The following ANKRD26 variants were observed in gnomAD, a reference collection of about 807,000 sequenced individuals.
The protein encoded by ANKRD26 is ankyrin repeat domain-containing protein 26.
Under a neutral mutation model 208.7 loss-of-function variants are expected in ANKRD26, and 141 were observed. The ratio of observed to expected loss-of-function variants is 0.68; its 90% CI spans 0.59 to 0.78. The LOEUF (loss-of-function observed/expected upper bound fraction) is 0.78, where lower values mean the gene tolerates loss of function less well. Among genes scored for constraint, ANKRD26 ranks in the 30% least tolerant of loss-of-function variants. The probability of loss-of-function intolerance (pLI) is 0.00; values close to 1 mark genes in which losing one functional copy is unlikely to be tolerated. For synonymous variants in ANKRD26, 636 were observed against 660.4 expected (o/e 0.96, Z 0.57); for missense variants, 1,889 against 1,938.7 (o/e 0.97, Z 0.48).
At chr10:26,992,414 T>C (rs966958872) in intron 5 of ANKRD26, among the ~76,000 whole-genome samples, 4 of 151,586 alleles carry the variant, frequency 2.6e-5, no homozygotes, top group African/African-American at 9.7e-5. Flanking sequence ...CCTAAGGTCA[T>C]GTTTCATGGA....
At chr10:27,032,123 A>G (rs2053881777) in intron 25 of ANKRD26, among the ~76,000 whole-genome samples, 1 of 152,256 alleles carries the variant, frequency 6.6e-6, no homozygotes, top group South Asian at 2.1e-4. Flanking sequence ...ATGAGGAATG[A>G]TGTATAATTC....
chr10:27,077,641 C>A lies in ANKRD26; in HGVS notation c.866G>T (p.Arg289Met). The change falls in exon 8 of 34, where the codon AGG (arginine) becomes ATG (methionine). Residue 289 changes from arginine (R) to methionine (M), a missense_variant. This residue lies in a region of ANKRD26 where 1,272 missense variants were observed against 1,273.8 expected (regional missense o/e 1.00). Coordinates refer to ENST00000376087, the MANE Select transcript of ANKRD26 (RefSeq NM_014915.3). Reference sequence around the variant, plus strand: ...GTTTTCAAACAGCTTACAATTTTTCCTGGATTGCTGAGAAGCAGTCATTAG... The same window carrying A: ...GTTTTCAAACAGCTTACAATTTTTCATGGATTGCTGAGAAGCAGTCATTAG... ...AKLMTASQQS[R>M]KNLEATYGTV... The A allele has an allele frequency of 2.5e-6, 4 of 1,613,394 alleles. No individual in the cohort carries two copies. The highest frequency in any genetic ancestry group is 1.3e-5 in the African/African-American group (1 of 75,008).
At chr10:27,029,830 A>C (rs1589242408) in intron 25 of ANKRD26, among the ~76,000 whole-genome samples, 1 of 152,304 alleles carries the variant, frequency 6.6e-6, no homozygotes, top group South Asian at 2.1e-4. Flanking sequence ...TTAGGTGACA[A>C]CTAGATATTC....
chr10:27,001,105 T>TG (rs2134742915), downstream of ANKRD26, among the ~76,000 whole-genome samples: 3 of 152,332 alleles, frequency 2.0e-5, no homozygotes, highest in African/African-American at 7.2e-5. Context: ...CAATAAAAAA[T>TG]GCTTGCTTTG....
At chr10:26,956,739 C>T in the ANKRD26 span, among the ~76,000 whole-genome samples, 1 of 152,076 alleles carries the variant, frequency 6.6e-6, no homozygotes, top group Non-Finnish European at 1.5e-5. Flanking sequence ...GTCCCTTTAC[C>T]AAGATCCATT....
At chr10:27,054,127 T>A (rs1383687472) in intron 15 of ANKRD26, among the ~76,000 whole-genome samples, 1 of 152,216 alleles carries the variant, frequency 6.6e-6, no homozygotes, top group Non-Finnish European at 1.5e-5. Flanking sequence ...TTGTACTGTA[T>A]CTTTTCCATC....
chr10:27,097,994 A>G (rs1233454669), intron 1 of ANKRD26, among the ~76,000 whole-genome samples: 1 of 152,154 alleles, frequency 6.6e-6, no homozygotes, highest in Non-Finnish European at 1.5e-5. Flanking sequence ...TCATAAGGAC[A>G]CAACTAAAAT....
At chr10:27,081,954 T>C (rs568168336) in intron 6 of ANKRD26, among the ~76,000 whole-genome samples, 3 of 150,906 alleles carry the variant, frequency 2.0e-5, no homozygotes, top group South Asian at 4.2e-4. Context: ...GCCAGGCTGG[T>C]CTCGATCTCC....
intron 20 of ANKRD26, among the ~76,000 whole-genome samples, chr10:27,041,887 T>G (rs1268325435): frequency 6.6e-6 from 1 of 150,770 alleles, no homozygotes; most frequent in Non-Finnish European, 1.5e-5. Context: ...GAGAAAAAAA[T>G]GAAAGCAAAC....
the ANKRD26 span, among the ~76,000 whole-genome samples, chr10:26,961,074 A>G: frequency 4.6e-5 from 7 of 152,034 alleles, no homozygotes; most frequent in African/African-American, 1.7e-4. Flanking sequence ...AAAATTAGCT[A>G]GGTGTGGTGG....
chr10:27,070,230 T>A (rs2055431651), intron 9 of ANKRD26, among the ~76,000 whole-genome samples: 1 of 150,390 alleles, frequency 6.6e-6, no homozygotes, highest in African/African-American at 2.4e-5. Flanking sequence ...CAAAACCCCA[T>A]CTCTACTAAA....
chr10:27,061,049 C>G (rs1161391768), intron 13 of ANKRD26, 95 bp downstream of exon 13: 6 of 967,328 alleles, frequency 6.2e-6, no homozygotes, highest in Non-Finnish European at 1.0e-5. Flanking sequence ...GGATATATAA[C>G]TTATTTCTCA....
the ANKRD26 span, among the ~76,000 whole-genome samples, chr10:26,954,619 A>C: frequency 3.3e-5 from 5 of 152,160 alleles, no homozygotes; most frequent in African/African-American, 4.8e-5. Context: ...TTTGACAATA[A>C]ATCTGTATCC....
At chr10:27,071,409 C>T (rs578100318) in intron 9 of ANKRD26, among the ~76,000 whole-genome samples, 27 of 151,434 alleles carry the variant, frequency 1.8e-4, no homozygotes, top group Non-Finnish European at 2.7e-4. Flanking sequence ...CTCCTGACCT[C>T]GTGATCCGCC....
At chr10:27,043,292 G>T in intron 20 of ANKRD26, 134 bp downstream of exon 20, 1 of 970,246 alleles carries the variant, frequency 1.0e-6, no homozygotes, top group South Asian at 1.4e-5. Context: ...GAACTCTTCA[G>T]CTTTGCACAG....
chr10:27,027,571 TCA>T (rs1350680964), intron 27 of ANKRD26, among the ~76,000 whole-genome samples: 1 of 152,214 alleles, frequency 6.6e-6, no homozygotes, highest in African/African-American at 2.4e-5. Context: ...TTTTAGTCTA[TCA>T]TAATCTTTTT....
intron 9 of ANKRD26, among the ~76,000 whole-genome samples, chr10:27,073,933 A>G (rs756076742): frequency 5.9e-5 from 9 of 152,186 alleles, no homozygotes; most frequent in Non-Finnish European, 1.0e-4. Flanking sequence ...GGTCTTCACT[A>G]CTGAAAGCAC....
rs2135675645 is a variant in ANKRD26 at position 27,086,551 on chromosome 10, T to C, written c.697A>G (p.Asn233Asp). 1.2e-6 allele frequency: 2 copies of C among 1,606,054 alleles called. No individual in the cohort carries two copies. Among genetic ancestry groups the C allele is most frequent in the Non-Finnish European group, 1.7e-6 (2 of 1,175,076 alleles). ...EERIPKHSSQ[N>D]SNSVDESSED... The stretch of plus-strand genomic sequence containing the variant: ...TTGGAAGTCTTACCTGAATTACTAT[T>C]TTGAGAAGAATGTTTAGGTATCCTT... The change falls in exon 5 of 34, where the codon AAT (asparagine) becomes GAT (aspartate). Residue 233 changes from asparagine (N) to aspartate (D), a missense_variant. Around this residue, in one of 3 missense-constraint regions of ANKRD26, gnomAD observed 1,272 missense variants for 1,273.8 expected, o/e 1.00. Coordinates refer to ENST00000376087, the MANE Select transcript of ANKRD26 (RefSeq NM_014915.3).
chr10:27,097,322 A>T (rs1029824288), intron 1 of ANKRD26, among the ~76,000 whole-genome samples: 19 of 149,280 alleles, frequency 1.3e-4, no homozygotes, highest in African/African-American at 4.6e-4. Flanking sequence ...AGAAATACAA[A>T]AAAAAAAAAA....
Sources: allele counts gnomAD v4.1 joint callset (sites outside exome capture counted in the v4.1 genomes callset), GRCh38; gene constraint gnomAD v4.1.1; regional missense constraint gnomAD v4.1.1; transcripts MANE v1.5; gene names NCBI Gene and HGNC (gene_info 2026-07-23, HGNC 2026-07-21).